THSD4: variants seen among roughly 807,000 people sequenced by gnomAD.
The protein encoded by THSD4 is thrombospondin type-1 domain-containing protein 4.
A neutral mutation model predicts 119.0 loss-of-function variants in THSD4; 69 were observed. The ratio of observed to expected loss-of-function variants is 0.58; its 90% CI spans 0.48 to 0.71. THSD4 has a LOEUF of 0.71. Among genes scored for constraint, THSD4 ranks in the 30% least tolerant of loss-of-function variants. The pLI, the probability that THSD4 is intolerant of heterozygous loss-of-function variation, is 0.00. For synonymous variants in THSD4, 524 were observed against 540.4 expected (o/e 0.97, Z 0.42); for missense variants, 1,393 against 1,391.1 (o/e 1.00, Z -0.02).
At position 71,782,556 on chromosome 15, in the gene THSD4, A is replaced by G. The variant is rs2054014265; in HGVS notation, c.*5182A>G. The G allele has an allele frequency of 6.6e-6, 1 of 152,210 alleles. No homozygotes were observed. Among genetic ancestry groups the G allele is most frequent in the African/African-American group, 2.4e-5 (1 of 41,450 alleles). The allele number at this position is 152,210 out of a possible 1,614,324, so 9.4% of individuals were successfully genotyped here. A position where few individuals can be genotyped will look rare whatever the true frequency, so the allele number is the denominator to read the frequency against. The stretch of plus-strand genomic sequence containing the variant: ...TGTGTTAATTTTAAAGGGACCTGAT[A>G]GGTATTTATTTACATATGCGATCCA... On this transcript the variant is annotated 3_prime_UTR_variant, in exon 18 of 18. Transcript: ENST00000261862.
chr15:71,392,826 T>C (rs781659849), intron 6 of THSD4, among the ~76,000 whole-genome samples: 22 of 152,312 alleles, frequency 1.4e-4, no homozygotes, highest in Non-Finnish European at 2.9e-4. Flanking sequence ...TTCCTTTTTG[T>C]CTTTTCCCAT....
chr15:71,165,834 A>G (rs1275150784), intron 3 of THSD4, among the ~76,000 whole-genome samples: 3 of 151,856 alleles, frequency 2.0e-5, no homozygotes, highest in African/African-American at 7.3e-5. Context: ...AGGAAGGTGG[A>G]GCCACTGCTG....
intron 8 of THSD4, among the ~76,000 whole-genome samples, chr15:71,688,115 C>A (rs1199137248): frequency 1.3e-5 from 2 of 152,234 alleles, no homozygotes; most frequent in African/African-American, 2.4e-5. Flanking sequence ...TTTCCCGTCT[C>A]TTCATAATTC....
intron 10 of THSD4, among the ~76,000 whole-genome samples, chr15:71,736,206 T>A (rs2053100706): frequency 6.6e-6 from 1 of 151,230 alleles, no homozygotes; most frequent in African/African-American, 2.4e-5. Context: ...GCTCTCTGTC[T>A]CTCTGTTGCT....
chr15:71,441,397 A>ATTTTTTTTTTT (rs1215547880), intron 7 of THSD4, among the ~76,000 whole-genome samples: 4 of 73,358 alleles, frequency 5.5e-5, no homozygotes, highest in Non-Finnish European at 7.4e-5. Context: ...CACCTGTAGA[A>ATTTTTTTTTTT]TTTTTTTTTT....
chr15:71,324,034 C>T (rs1442908236), intron 6 of THSD4, among the ~76,000 whole-genome samples: 2 of 152,196 alleles, frequency 1.3e-5, no homozygotes, highest in Non-Finnish European at 2.9e-5. Flanking sequence ...GATTCTACTA[C>T]AGCAGTGTTT....
At position 71,777,358 on chromosome 15, in the gene THSD4, T is replaced by C; in HGVS notation, c.3041T>C (p.Phe1014Ser). The stretch of plus-strand genomic sequence containing the variant: ...CGTGTGGCCAACAGGCAGACGGGCT[T>C]CCTGGGGAGCAGATAACACTCCTGC... ...CTRVANRQTG[F>S]LGSR The change falls in exon 18 of 18, where the codon TTC becomes TCC. Residue 1014 changes from phenylalanine to serine, a missense_variant. Coordinates refer to ENST00000261862, the MANE Select transcript of THSD4 (RefSeq NM_024817.3). 6.2e-7 allele frequency: 1 copy of C among 1,613,980 alleles called. No homozygotes were observed. Among genetic ancestry groups the C allele is most frequent in the South Asian group, 1.1e-5 (1 of 91,080 alleles).
chr15:71,444,720 G>A (rs1039671705), intron 7 of THSD4, among the ~76,000 whole-genome samples: 2 of 152,176 alleles, frequency 1.3e-5, no homozygotes, highest in Non-Finnish European at 2.9e-5. Flanking sequence ...ACCTCTCCAT[G>A]ATCATTGGTG....
At position 71,339,188 on chromosome 15, in the gene THSD4, G is replaced by C. The variant is rs915411154; in HGVS notation, c.1016-72499G>C. Among the ~76,000 whole-genome samples the C allele has an allele frequency of 3.3e-5, 5 of 152,094 alleles. No individual in the cohort carries two copies. In the East Asian group the frequency reaches 9.6e-4, roughly 29 times the overall value. On this transcript the variant is annotated intron_variant, in intron 6 of 17. Transcript: ENST00000261862. The stretch of plus-strand genomic sequence containing the variant: ...TCTTCATAGCATTTTAGCATTCTTA[G>C]TATGTTTTATCTCCATTAAACTTTT...
chr15:71,703,417 CAT>C (rs1215054784), intron 8 of THSD4, among the ~76,000 whole-genome samples: 1 of 152,156 alleles, frequency 6.6e-6, no homozygotes, highest in Non-Finnish European at 1.5e-5. Flanking sequence ...GGAGATTTAA[CAT>C]ATTTCCATTA....
intron 5 of THSD4, among the ~76,000 whole-genome samples, chr15:71,249,779 G>A (rs1442785): frequency 2.4e-4 from 36 of 152,032 alleles, no homozygotes; most frequent in African/African-American, 7.7e-4. Context: ...TAGTTCTTAC[G>A]TTCATTCTCT....
intron 15 of THSD4, among the ~76,000 whole-genome samples, chr15:71,759,482 C>T (rs572926467): frequency 6.6e-6 from 1 of 152,250 alleles, no homozygotes; most frequent in South Asian, 2.1e-4. Context: ...AGAGAATTAC[C>T]CATTGCTTGG....
intron 6 of THSD4, among the ~76,000 whole-genome samples, chr15:71,338,026 T>A (rs1332613940): frequency 1.3e-5 from 2 of 152,188 alleles, no homozygotes; most frequent in Non-Finnish European, 1.5e-5. Flanking sequence ...AGAAAAGAAT[T>A]GTGCTCATAT....
At chr15:71,706,082 G>A (rs538878130) in intron 8 of THSD4, among the ~76,000 whole-genome samples, 1 of 152,168 alleles carries the variant, frequency 6.6e-6, no homozygotes, top group African/African-American at 2.4e-5. Flanking sequence ...CTGAGGTCGA[G>A]GCTGGTAAAT....
chr15:71,550,081 C>T (rs1267479899), intron 7 of THSD4, among the ~76,000 whole-genome samples: 5 of 152,192 alleles, frequency 3.3e-5, no homozygotes, highest in Admixed American at 3.3e-4. Flanking sequence ...CATGAGAATC[C>T]CTTTTGTCTT....
chr15:71,742,498 CA>C (rs2053255663), intron 11 of THSD4, among the ~76,000 whole-genome samples: 1 of 152,330 alleles, frequency 6.6e-6, no homozygotes, highest in Admixed American at 6.5e-5. Flanking sequence ...TACCTGTGTA[CA>C]GTTCCCCCCT....
At chr15:71,392,969 C>G (rs2046396085) in intron 6 of THSD4, among the ~76,000 whole-genome samples, 1 of 152,218 alleles carries the variant, frequency 6.6e-6, no homozygotes, top group African/African-American at 2.4e-5. Flanking sequence ...TGAGAGGGAG[C>G]CGGGACTGCT....
chr15:71,439,002 G>A (rs529663779), intron 7 of THSD4, among the ~76,000 whole-genome samples: 1 of 152,204 alleles, frequency 6.6e-6, no homozygotes, highest in African/African-American at 2.4e-5. Flanking sequence ...ACAAGACCAC[G>A]GTAGGCCAGA....
chr15:71,129,276 C>G (rs537868782), intron 1 of THSD4, among the ~76,000 whole-genome samples: 1 of 152,224 alleles, frequency 6.6e-6, no homozygotes, highest in South Asian at 2.1e-4. Flanking sequence ...TTTTTGAGAC[C>G]TTAGCATGAA....
Sources: allele counts gnomAD v4.1 joint callset (sites outside exome capture counted in the v4.1 genomes callset), GRCh38; gene constraint gnomAD v4.1.1; transcripts MANE v1.5; gene names NCBI Gene and HGNC (gene_info 2026-07-23, HGNC 2026-07-21).